The following ZCCHC7 variants were observed in gnomAD, a reference collection of about 807,000 sequenced individuals.
The protein encoded by ZCCHC7 is zinc finger CCHC-type containing 7, also known as zinc finger CCHC domain-containing protein 7.
A neutral mutation model predicts 52.0 loss-of-function variants in ZCCHC7; 35 were observed. The observed-to-expected ratio is 0.67, with a 90% CI of 0.51 to 0.89. ZCCHC7 has a LOEUF of 0.89. Among genes scored for constraint, ZCCHC7 ranks in the 40% least tolerant of loss-of-function variants. The pLI, the probability that ZCCHC7 is intolerant of heterozygous loss-of-function variation, is 0.00. For synonymous variants in ZCCHC7, 217 were observed against 221.5 expected, an observed-to-expected ratio of 0.98 and a Z score of 0.18; for missense variants, 574 against 649.1, an observed-to-expected ratio of 0.88 and a Z score of 1.26.
intron 2 of ZCCHC7, chr9:37,186,985 A>G (rs1402479468): frequency 3.9e-6 from 1 of 256,198 alleles, no homozygotes; most frequent in African/African-American, 2.2e-5. Flanking sequence ...AATAAGTAAA[A>G]ACAATGGATT....
At chr9:37,172,886 A>G (rs1051686043) in intron 2 of ZCCHC7, among the ~76,000 whole-genome samples, 1 of 151,720 alleles carries the variant, frequency 6.6e-6, no homozygotes, top group Non-Finnish European at 1.5e-5. Flanking sequence ...TAGGGACTTG[A>G]GTGAGCCATG....
At chr9:37,348,132 C>CTG (rs1821113731) in intron 6 of ZCCHC7, among the ~76,000 whole-genome samples, 1 of 152,200 alleles carries the variant, frequency 6.6e-6, no homozygotes, top group Non-Finnish European at 1.5e-5. Context: ...TCAGACTCTT[C>CTG]TGTCTCTACA....
intron 5 of ZCCHC7, 134 bp downstream of exon 5, chr9:37,305,848 T>G (rs2133717031): frequency 1.4e-6 from 1 of 703,850 alleles, no homozygotes; most frequent in Non-Finnish European, 2.1e-6. Context: ...TATATATATA[T>G]ATAGTCATGT....
At chr9:37,234,714 A>G (rs754530211) in intron 2 of ZCCHC7, among the ~76,000 whole-genome samples, 5 of 152,242 alleles carry the variant, frequency 3.3e-5, no homozygotes, top group Non-Finnish European at 7.3e-5. Context: ...TACATTGTAC[A>G]CTTCCTTTTT....
intron 2 of ZCCHC7, among the ~76,000 whole-genome samples, chr9:37,272,491 T>TAAAAAAAA (rs551495038): frequency 2.4e-3 from 231 of 97,164 alleles, no homozygotes; most frequent in Non-Finnish European, 3.0e-3. Context: ...AGCTGTGTGG[T>TAAAAAAAA]AAAAAAAAAA....
intron 6 of ZCCHC7, 91 bp from the exon 7 acceptor site, chr9:37,349,266 G>A: frequency 1.5e-6 from 2 of 1,293,236 alleles, no homozygotes; most frequent in Non-Finnish European, 2.2e-6. Flanking sequence ...AAACTTCTAA[G>A]GAATCCCTTA....
chr9:37,191,113 G>A (rs1307104455), intron 2 of ZCCHC7, among the ~76,000 whole-genome samples: 2 of 152,118 alleles, frequency 1.3e-5, no homozygotes, highest in East Asian at 3.8e-4. Flanking sequence ...AACTAAATGT[G>A]CAAATTTAGT....
At chr9:37,151,559 C>G (rs1350765358) in intron 2 of ZCCHC7, among the ~76,000 whole-genome samples, 1 of 152,054 alleles carries the variant, frequency 6.6e-6, no homozygotes, top group Non-Finnish European at 1.5e-5. Flanking sequence ...AATTCCAGCA[C>G]TTTGGGAGCC....
intron 7 of ZCCHC7, among the ~76,000 whole-genome samples, chr9:37,350,753 A>G (rs1047667624): frequency 5.3e-5 from 8 of 152,238 alleles, no homozygotes; most frequent in South Asian, 2.1e-4. Context: ...CAGAGAAAGG[A>G]TGTAATAAGA....
At chr9:37,133,085 G>GATCGTGCC (rs1274506125) in intron 2 of ZCCHC7, among the ~76,000 whole-genome samples, 1 of 152,200 alleles carries the variant, frequency 6.6e-6, no homozygotes, top group Non-Finnish European at 1.5e-5. Flanking sequence ...AGTGAGCCGA[G>GATCGTGCC]ATCGTGCCAC....
At chr9:37,200,591 G>A (rs2133160118) in intron 2 of ZCCHC7, among the ~76,000 whole-genome samples, 1 of 152,298 alleles carries the variant, frequency 6.6e-6, no homozygotes, top group South Asian at 2.1e-4. Flanking sequence ...CAACTGTTGA[G>A]TCCTGCAATA....
At chr9:37,126,172 G>A (rs1842529255) in intron 1 of ZCCHC7, 140 bp from the exon 2 acceptor site, 2 of 879,050 alleles carry the variant, frequency 2.3e-6, no homozygotes, top group Admixed American at 2.9e-5. Context: ...GAAATCCTTG[G>A]AAAAAAAGGT....
intron 7 of ZCCHC7, among the ~76,000 whole-genome samples, chr9:37,351,156 G>T (rs576302561): frequency 5.3e-5 from 8 of 152,178 alleles, no homozygotes; most frequent in Admixed American, 1.3e-4. Flanking sequence ...GCAACCGTGG[G>T]GGTGAGACAT....
chr9:37,130,881 T>G (rs1842752186), intron 2 of ZCCHC7, among the ~76,000 whole-genome samples: 2 of 152,050 alleles, frequency 1.3e-5, no homozygotes, highest in African/African-American at 4.8e-5. Context: ...AAAAATAGGA[T>G]TAGTGAATTT....
chr9:37,209,365 A>C (rs1824090513), intron 2 of ZCCHC7, among the ~76,000 whole-genome samples: 1 of 151,806 alleles, frequency 6.6e-6, no homozygotes, highest in African/African-American at 2.4e-5. Context: ...TTCCAAGTAT[A>C]TTCCTGTCTT....
At chr9:37,307,683 T>C (rs1164017223) in intron 5 of ZCCHC7, among the ~76,000 whole-genome samples, 1 of 152,206 alleles carries the variant, frequency 6.6e-6, no homozygotes, top group Non-Finnish European at 1.5e-5. Flanking sequence ...CTATAATCTT[T>C]TGCTCAATAA....
At chr9:37,262,438 A>G (rs1826910723) in intron 2 of ZCCHC7, among the ~76,000 whole-genome samples, 1 of 152,154 alleles carries the variant, frequency 6.6e-6, no homozygotes, top group Non-Finnish European at 1.5e-5. Flanking sequence ...TACTTGTTGC[A>G]ATAACTTATA....
intron 2 of ZCCHC7, among the ~76,000 whole-genome samples, chr9:37,199,727 T>C (rs1437302831): frequency 6.7e-6 from 1 of 149,066 alleles, no homozygotes; most frequent in Non-Finnish European, 1.5e-5. Flanking sequence ...TTTCTTTCTT[T>C]CTCCTTTTCT....
chr9:37,318,157 G>GGGCTTTCTGGAATTCAGT, intron 5 of ZCCHC7, among the ~76,000 whole-genome samples: 1 of 151,812 alleles, frequency 6.6e-6, no homozygotes, highest in South Asian at 2.1e-4. Context: ...TTGACGATGA[G>GGGCTTTCTGGAATTCAGT]GATGACTTGC....
Sources: gnomAD v4.1 joint callset for allele counts (sites outside exome capture counted in the v4.1 genomes callset) on GRCh38, gnomAD v4.1.1 for gene constraint, MANE v1.5 for transcripts, NCBI Gene and HGNC (gene_info 2026-07-23, HGNC 2026-07-21) for gene names.